The following BCL6 variants were observed in gnomAD, a reference collection of about 807,000 sequenced individuals.
BCL6 encodes the protein BCL6 transcription repressor.
BCL6 carries 7 observed loss-of-function variants against 59.5 expected under a neutral mutation model. That is an observed-to-expected ratio of 0.12 (90% CI 0.07 to 0.22). BCL6 has a LOEUF of 0.22. Among genes scored for constraint, BCL6 ranks in the 10% least tolerant of loss-of-function variants. The probability of loss-of-function intolerance (pLI) is 1.00; values close to 1 mark genes in which losing one functional copy is unlikely to be tolerated. For missense variants in BCL6, 685 were observed against 939.4 expected (o/e 0.73, Z 3.54); for synonymous variants, 339 against 349.7 (o/e 0.97, Z 0.34).
At chr3:187,722,748 C>G in intron 9 of BCL6, 147 bp from the exon 10 acceptor site, 1 of 989,230 alleles carries the variant, frequency 1.0e-6, no homozygotes, top group Admixed American at 3.1e-5. Context: ...CATATGCATC[C>G]GGGCTTCTGC....
At chr3:187,744,591 A>G (rs114570408) in intron 1 of BCL6, among the ~76,000 whole-genome samples, 3 of 152,218 alleles carry the variant, frequency 2.0e-5, no homozygotes, top group African/African-American at 4.8e-5. Context: ...AACAAAAACA[A>G]AAACCCAAAG....
In BCL6 at chr3:187,732,011, T is replaced by C. The variant is rs535171420; in HGVS notation, c.162-81A>G. On this transcript the variant is annotated intron_variant, in intron 3 of 9. Transcript: ENST00000406870. ...ACAGTCAGCACTGATACTCAGCCCC[T>C]TTCCCCTGGGCCTACCTCCAGAACT... The C allele has an allele frequency of 4.9e-6, 6 of 1,225,828 alleles. No individual in the cohort carries two copies. The South Asian group carries it at 6.6e-5, about 14-fold the overall frequency. 75.9% of individuals were successfully genotyped at this position (1,225,828 alleles called of 1,614,324 possible).
At chr3:187,745,018 A>G (rs1576886124) in intron 1 of BCL6, among the ~76,000 whole-genome samples, 3 of 148,918 alleles carry the variant, frequency 2.0e-5, no homozygotes, top group South Asian at 2.2e-4. Context: ...GCCGCCCCCT[A>G]ATTCCCCTCC....
intron 1 of BCL6, among the ~76,000 whole-genome samples, chr3:187,742,361 A>G (rs913480100): frequency 7.2e-5 from 11 of 152,212 alleles, no homozygotes; most frequent in African/African-American, 2.7e-4. Context: ...GGGCTCAGCA[A>G]ACGACAACTT....
intron 1 of BCL6, among the ~76,000 whole-genome samples, chr3:187,738,497 G>T (rs1470678758): frequency 1.3e-5 from 2 of 152,220 alleles, no homozygotes; most frequent in Non-Finnish European, 2.9e-5. Flanking sequence ...CCCCGAAACC[G>T]TAGAGACACA....
At position 187,729,223 on chromosome 3, in the gene BCL6, C is replaced by T; in HGVS notation, c.1182G>A (p.Gly394=). ...GGCGGCCCAGCTCAGCCTGCTCAGG[C>T]CCCTCTGGTTTGGCATTCTGGTTGA... is the stretch of plus-strand genomic sequence containing the variant. ...NSLNQNAKPE[G]PEQAELGRLS... is the part of the protein sequence containing the mutation. Residue 394 remains glycine, a synonymous_variant, in exon 5 of 10, where the codon GGG becomes GGA. Coordinates refer to ENST00000406870, the MANE Select transcript of BCL6 (RefSeq NM_001706.5). This position sits in a 1 kb window ranked among gnomAD's most constrained non-coding sequence, Gnocchi z 5.6. 1 of 1,614,098 alleles carries T rather than the reference C, an allele frequency of 6.2e-7. No individual in the cohort carries two copies. The highest frequency in any genetic ancestry group is 1.3e-5 in the African/African-American group (1 of 75,016).
chr3:187,745,215 T>C (rs1003633321), intron 1 of BCL6, among the ~76,000 whole-genome samples, 195 bp downstream of exon 1: 7 of 151,966 alleles, frequency 4.6e-5, no homozygotes, highest in South Asian at 4.2e-4. Flanking sequence ...ACAGCTAGAA[T>C]AAATAAATAT....
At chr3:187,737,361 G>C (rs1325996591) in intron 1 of BCL6, 2 of 131,632 alleles carry the variant, frequency 1.5e-5, no homozygotes, top group Admixed American at 1.5e-4. Flanking sequence ...GAGAGAGAGA[G>C]AGAGAGAGAG....
intron 1 of BCL6, among the ~76,000 whole-genome samples, chr3:187,744,973 C>T (rs1711850917): frequency 2.0e-5 from 3 of 152,232 alleles, no homozygotes; most frequent in Admixed American, 6.5e-5. Flanking sequence ...TAGCCCGAAT[C>T]ACCCCCCAAG....
chr3:187,724,349 G>A (rs1718564417), intron 9 of BCL6, among the ~76,000 whole-genome samples: 1 of 152,134 alleles, frequency 6.6e-6, no homozygotes, highest in Admixed American at 6.5e-5. Flanking sequence ...TGGCACACAG[G>A]CTATAGCTGC....
Position 187,725,252 on chromosome 3 carries a change from T to C in BCL6, c.1840-174A>G, listed in dbSNP as rs1236095369. 1.3e-5 allele frequency among the ~76,000 whole-genome samples: 2 copies of C among 151,414 alleles called. No individual in the cohort carries two copies. Among genetic ancestry groups the C allele is most frequent in the African/African-American group, 4.9e-5 (2 of 41,170 alleles). On this transcript the variant is annotated intron_variant, in intron 8 of 9. Transcript: ENST00000406870. The surrounding 1 kb of genome is among the most constrained non-coding windows in gnomAD (Gnocchi z 4.7). ...CACTCTGCTCACCTGCCCACTCCTC[T>C]GCTCACCTGCCCACTCTGCTCACCT...
chr3:187,726,943 G>C (rs1234520342), intron 6 of BCL6, 45 bp from the exon 7 acceptor site: 2 of 1,604,980 alleles, frequency 1.2e-6, no homozygotes, highest in African/African-American at 1.3e-5. Flanking sequence ...CACGAGGAAG[G>C]GAGGTAGGGC....
chr3:187,725,299 G>T lies in BCL6; in HGVS notation c.1839+200C>A, dbSNP rs925967072. On this transcript the variant is annotated intron_variant, in intron 8 of 9. Coordinates refer to ENST00000406870, the MANE Select transcript of BCL6 (RefSeq NM_001706.5). The surrounding 1 kb of genome is among the most constrained non-coding windows in gnomAD (Gnocchi z 4.7). ...ACCTACCCGCTCTGCTCACCTGCCC[G>T]CTCTGCTCACCTGCCCGCTCTGCTC... Among the ~76,000 whole-genome samples, 4 of 148,758 alleles carry T rather than the reference G, an allele frequency of 2.7e-5. No homozygotes were observed. The highest frequency in any genetic ancestry group is 6.0e-5 in the Non-Finnish European group (4 of 66,946).
chr3:187,738,593 C>G (rs1198069896), intron 1 of BCL6, among the ~76,000 whole-genome samples: 5 of 152,152 alleles, frequency 3.3e-5, no homozygotes, highest in Admixed American at 2.6e-4. Context: ...GTGGCCCTCC[C>G]GGGAATTATA....
chr3:187,744,264 G>A (rs545391754), intron 1 of BCL6, among the ~76,000 whole-genome samples: 1 of 152,226 alleles, frequency 6.6e-6, no homozygotes, highest in South Asian at 2.1e-4. Context: ...GTCCTGTCGA[G>A]GTTCCCTGAG....
rs1395025632 is a variant in BCL6 at position 187,729,763 on chromosome 3, C to T, written c.642G>A (p.Arg214=). 3.7e-6 allele frequency: 6 copies of T among 1,614,158 alleles called. No homozygotes were observed. Among genetic ancestry groups the T allele is most frequent in the Non-Finnish European group, 5.1e-6 (6 of 1,180,034 alleles). ...SSLLFSDEEF[R]DVRMPVANPF... ...GGTTGGCCACAGGCATCCGGACATC[C>T]CGAAACTCCTCATCGGAGAAGAGGA... The change falls in exon 5 of 10, where the codon CGG becomes CGA. Residue 214 remains arginine (R), a synonymous_variant. Transcript: ENST00000406870. The surrounding 1 kb of genome is among the most constrained non-coding windows in gnomAD (Gnocchi z 5.6).
At chr3:187,730,077 A>T in intron 4 of BCL6, 56 bp from the exon 5 acceptor site, 1 of 1,511,392 alleles carries the variant, frequency 6.6e-7, no homozygotes, top group South Asian at 1.3e-5. Context: ...TGTTAAATAG[A>T]TGACCTTCCA....
At chr3:187,740,804 GTTAT>G (rs570574943) in intron 1 of BCL6, among the ~76,000 whole-genome samples, 182 of 152,358 alleles carry the variant, frequency 1.2e-3, no homozygotes, top group Non-Finnish European at 1.8e-3. Context: ...TTCGAAGCGG[GTTAT>G]TTGTGGTTTT....
intron 1 of BCL6, chr3:187,737,479 C>CCTGGG (rs1200927616): frequency 6.6e-6 from 1 of 152,536 alleles, no homozygotes; most frequent in Non-Finnish European, 1.5e-5. Context: ...TCCCTCCTCC[C>CCTGGG]CTGGGCTGGC....
Sources: allele counts gnomAD v4.1 joint callset (sites outside exome capture counted in the v4.1 genomes callset), GRCh38; gene constraint gnomAD v4.1.1; non-coding constraint Gnocchi (gnomAD v3.1); transcripts MANE v1.5; gene names NCBI Gene and HGNC (gene_info 2026-07-23, HGNC 2026-07-21).